IMMP2L: variants seen among roughly 807,000 people sequenced by gnomAD.
The protein encoded by IMMP2L is inner mitochondrial membrane peptidase subunit 2, also known as mitochondrial inner membrane protease subunit 2.
Under a neutral mutation model 19.3 loss-of-function variants are expected in IMMP2L, and 18 were observed. The observed-to-expected ratio is 0.93, with a 90% CI of 0.64 to 1.38. The LOEUF (loss-of-function observed/expected upper bound fraction) is 1.38, where lower values mean the gene tolerates loss of function less well. IMMP2L is among the 40% of genes most tolerant of loss of function. The probability of loss-of-function intolerance (pLI) is 0.00; values close to 1 mark genes in which losing one functional copy is unlikely to be tolerated. For synonymous variants in IMMP2L, 76 were observed against 73.0 expected (o/e 1.04, Z -0.21); for missense variants, 233 against 218.2 (o/e 1.07, Z -0.43).
rs372562573 is a variant in IMMP2L, at chr7:111,500,142, C to T, written c.136-12801G>A. ...TTTTCCAACAGGCTTAAAAAAACGG[C>T]ATACCAGGAGATTATATCCCGCACC... On this transcript the variant is annotated intron_variant, in intron 2 of 5. Coordinates refer to ENST00000405709, the MANE Select transcript of IMMP2L (RefSeq NM_032549.4). 6.6e-5 allele frequency among the ~76,000 whole-genome samples: 10 copies of T among 152,286 alleles called. No individual in the cohort carries two copies. The East Asian group carries it at 1.7e-3, about 27-fold the overall frequency.
intron 3 of IMMP2L, among the ~76,000 whole-genome samples, chr7:111,003,820 G>A (rs1563151006): frequency 3.3e-5 from 5 of 151,944 alleles, no homozygotes; most frequent in South Asian, 2.1e-4. Context: ...CTGATTTAAC[G>A]TCATTAATTC....
intron 4 of IMMP2L, among the ~76,000 whole-genome samples, chr7:110,959,109 G>T (rs547404113): frequency 6.6e-6 from 1 of 151,748 alleles, no homozygotes; most frequent in Non-Finnish European, 1.5e-5. Flanking sequence ...TCCTTCAAGG[G>T]GTCTAACCTC....
intron 3 of IMMP2L, among the ~76,000 whole-genome samples, chr7:111,069,463 T>G (rs943440833): frequency 6.6e-6 from 1 of 152,164 alleles, no homozygotes; most frequent in Non-Finnish European, 1.5e-5. Context: ...AAACTTACAG[T>G]GGGTACTACC....
At chr7:110,948,946 A>C (rs1817521375) in intron 4 of IMMP2L, among the ~76,000 whole-genome samples, 1 of 152,158 alleles carries the variant, frequency 6.6e-6, no homozygotes, top group South Asian at 2.1e-4. Flanking sequence ...TCCTTCAACA[A>C]CAGAACTCCA....
chr7:110,699,436 C>T (rs1794105315), intron 5 of IMMP2L, among the ~76,000 whole-genome samples: 1 of 152,102 alleles, frequency 6.6e-6, no homozygotes, highest in South Asian at 2.1e-4. Flanking sequence ...TCCTTGAGTA[C>T]AGGTAGAACC....
intron 5 of IMMP2L, among the ~76,000 whole-genome samples, chr7:110,832,016 C>A (rs1409764461): frequency 6.6e-6 from 1 of 152,200 alleles, no homozygotes; most frequent in Non-Finnish European, 1.5e-5. Context: ...GTAATCCCCA[C>A]ACTTTGGGAG....
intron 3 of IMMP2L, among the ~76,000 whole-genome samples, chr7:110,989,366 A>C (rs768164488): frequency 6.6e-6 from 1 of 151,886 alleles, no homozygotes; most frequent in Non-Finnish European, 1.5e-5. Context: ...ACAAGATCCC[A>C]CTTCTACAAA....
At chr7:110,952,649 C>G (rs1817950484) in intron 4 of IMMP2L, among the ~76,000 whole-genome samples, 1 of 152,064 alleles carries the variant, frequency 6.6e-6, no homozygotes, top group African/African-American at 2.4e-5. Flanking sequence ...CAGATAGAGG[C>G]ATGGAGATGT....
intron 3 of IMMP2L, among the ~76,000 whole-genome samples, chr7:111,130,444 A>T (rs1801738431): frequency 6.6e-6 from 1 of 152,134 alleles, no homozygotes; most frequent in Non-Finnish European, 1.5e-5. Flanking sequence ...TACATCACCA[A>T]GAAACTAATA....
At chr7:111,340,401 A>C (rs1034137959) in intron 3 of IMMP2L, among the ~76,000 whole-genome samples, 11 of 152,074 alleles carry the variant, frequency 7.2e-5, no homozygotes, top group African/African-American at 2.4e-4. Context: ...AAAACAAAGT[A>C]ATTATATCCT....
intron 4 of IMMP2L, among the ~76,000 whole-genome samples, chr7:110,954,554 A>G (rs1188690493): frequency 6.6e-6 from 1 of 152,064 alleles, no homozygotes; most frequent in Non-Finnish European, 1.5e-5. Context: ...ACCAAATTAT[A>G]TCCATTATTT....
intron 3 of IMMP2L, among the ~76,000 whole-genome samples, chr7:111,459,552 T>TA (rs1202931631): frequency 2.6e-5 from 4 of 152,136 alleles, no homozygotes; most frequent in Non-Finnish European, 5.9e-5. Flanking sequence ...TATATTTACT[T>TA]ACTCCCCCTT....
intron 3 of IMMP2L, among the ~76,000 whole-genome samples, chr7:111,107,814 T>C (rs1018784195): frequency 3.3e-5 from 5 of 152,148 alleles, no homozygotes; most frequent in Admixed American, 3.3e-4. Flanking sequence ...AAGCTCTTGG[T>C]CAAGCTGTAG....
intron 3 of IMMP2L, among the ~76,000 whole-genome samples, chr7:111,234,777 G>A (rs1350004911): frequency 1.3e-5 from 2 of 151,880 alleles, no homozygotes; most frequent in Non-Finnish European, 1.5e-5. Flanking sequence ...AATTTATCAT[G>A]AACTGTCTTC....
rs145218365 is a variant in IMMP2L, at chr7:111,225,034, C to T, written c.240-261469G>A. On this transcript the variant is annotated intron_variant, in intron 3 of 5. Transcript: ENST00000405709. ...AATGGTTGTTTAAGGAACAGCACTC[C>T]TGGTTGTTTCCGTTGCAAGCTGAAC... Among the ~76,000 whole-genome samples, 400 of 152,252 alleles carry T rather than the reference C, an allele frequency of 2.6e-3. 2 individuals carry two copies. Among genetic ancestry groups the T allele is most frequent in the Non-Finnish European group, 3.9e-3 (264 of 68,004 alleles).
At chr7:111,487,637 T>G (rs777432489) in intron 2 of IMMP2L, among the ~76,000 whole-genome samples, 1 of 152,052 alleles carries the variant, frequency 6.6e-6, no homozygotes, top group Non-Finnish European at 1.5e-5. Context: ...AAGAATAATA[T>G]AAAAACATGA....
intron 4 of IMMP2L, among the ~76,000 whole-genome samples, chr7:110,940,283 C>A (rs1275624168): frequency 3.3e-5 from 5 of 149,522 alleles, no homozygotes; most frequent in Admixed American, 6.7e-5. Context: ...TGCACCACTG[C>A]ACTCCAGCCT....
intron 5 of IMMP2L, among the ~76,000 whole-genome samples, chr7:110,713,608 C>A (rs183214642): frequency 1.0e-3 from 152 of 149,088 alleles, no homozygotes; most frequent in African/African-American, 3.6e-3. Flanking sequence ...TATAGTTCTC[C>A]TTGTAGAGAT....
At chr7:111,534,494 A>G (rs1847698823) in intron 1 of IMMP2L, among the ~76,000 whole-genome samples, 1 of 152,128 alleles carries the variant, frequency 6.6e-6, no homozygotes, top group Non-Finnish European at 1.5e-5. Context: ...AAAGAATATG[A>G]ACCAAAATGA....
Sources: gnomAD v4.1 joint callset for allele counts (sites outside exome capture counted in the v4.1 genomes callset) on GRCh38, gnomAD v4.1.1 for gene constraint, MANE v1.5 for transcripts, NCBI Gene and HGNC (gene_info 2026-07-23, HGNC 2026-07-21) for gene names.